HTR6: variants seen among roughly 807,000 people sequenced by gnomAD.
HTR6 encodes the protein 5-hydroxytryptamine (serotonin) receptor 6, G protein-coupled.
A neutral mutation model predicts 17.4 loss-of-function variants in HTR6; 15 were observed. That is an observed-to-expected ratio of 0.86 (90% CI 0.58 to 1.33). The LOEUF (loss-of-function observed/expected upper bound fraction) is 1.33. Ranked by LOEUF, HTR6 falls within the 40% of genes most tolerant of loss-of-function variation. The pLI, the probability that HTR6 is intolerant of heterozygous loss-of-function variation, is 0.00. For synonymous variants in HTR6, 326 were observed against 295.5 expected (o/e 1.10, Z -1.06); for missense variants, 578 against 616.0 (o/e 0.94, Z 0.65).
rs200365256 is a variant in HTR6 at position 19,678,928 on chromosome 1, G to C, written c.883G>C (p.Asp295His). 6.2e-7 allele frequency: 1 copy of C among 1,601,688 alleles called. No homozygotes were observed. Among genetic ancestry groups the C allele is most frequent in the Non-Finnish European group, 8.5e-7 (1 of 1,170,736 alleles). Residue 295 changes from aspartate (D) to histidine (H), a missense_variant, in exon 3 of 3, where the codon GAC becomes CAC. Transcript: ENST00000289753. ...CATCCCCTCCCCCCAGGCCGTGTGC[G>C]ACTGCATCTCCCCAGGCCTCTTCGA... The part of the protein sequence containing the change: ...FVANIVQAVC[D>H]CISPGLFDVL...
At chr1:19,672,508 G>C (rs6684942) in intron 1 of HTR6, among the ~76,000 whole-genome samples, 84,249 of 151,894 alleles carry the variant, frequency 0.55, 24,230 homozygotes, top group Non-Finnish European at 0.64. Flanking sequence ...AGCATGGCAG[G>C]CTTGGCTGCT....
intron 1 of HTR6, 65 bp from the exon 2 acceptor site, chr1:19,678,502 T>C: frequency 6.3e-7 from 1 of 1,580,980 alleles, no homozygotes; most frequent in Non-Finnish European, 8.7e-7. Flanking sequence ...GCTCAGTCTG[T>C]GGCTAGGATC....
In HTR6 at chr1:19,666,445, G is replaced by C. The variant is rs547666149; in HGVS notation, c.692G>C (p.Ser231Thr). The C allele has an allele frequency of 7.4e-6, 12 of 1,610,768 alleles. No homozygotes were observed. The African/African-American group carries it at 1.6e-4, about 21-fold the overall frequency. The change falls in exon 1 of 3, where the codon AGT becomes ACT. Residue 231 changes from serine (S) to threonine (T), a missense_variant. Physicochemically the swap from Ser to Thr is moderately conservative, Grantham distance 58. Coordinates refer to ENST00000289753, the MANE Select transcript of HTR6 (RefSeq NM_000871.3). This position sits in a 1 kb window ranked among gnomAD's most constrained non-coding sequence, Gnocchi z 4.5. ...GCCTCCCTCACCACCGGCATGGCCA[G>C]TCAGGCCTCGGAGACGCTGCAGGTA... ...QVASLTTGMA[S>T]QASETLQVPR... is the part of the protein sequence containing the mutation.
At position 19,678,599 on chromosome 1, in the gene HTR6, T is replaced by G. The variant is rs200027010; in HGVS notation, c.747T>G (p.Ser249=). Residue 249 remains serine, a synonymous_variant, in exon 2 of 3, where the codon TCT becomes TCG. Transcript: ENST00000289753. The stretch of plus-strand genomic sequence containing the variant: ...GGACCCCACGCCCAGGGGTGGAGTC[T>G]GCTGACAGCAGGCGTCTAGCCACGA... The part of the protein sequence containing the change: ...VPRTPRPGVE[S]ADSRRLATKH... 2 of 1,612,956 alleles carry G rather than the reference T, an allele frequency of 1.2e-6. No homozygotes were observed. Among genetic ancestry groups the G allele is most frequent in the East Asian group, 2.2e-5 (1 of 44,866 alleles).
In HTR6 at chr1:19,665,478, TG is replaced by T; in HGVS notation, c.-275del. On this transcript the variant is annotated 5_prime_UTR_variant, in exon 1 of 3. Coordinates refer to ENST00000289753, the MANE Select transcript of HTR6 (RefSeq NM_000871.3). The surrounding 1 kb of genome is among the most constrained non-coding windows in gnomAD (Gnocchi z 4.2). Reference sequence around the variant, plus strand: ...CCTTCAGGGGCCTCGGCTCATCGGGTGCCCCTCCCCAAACTTCCAACCCGTT... The same window carrying T: ...CCTTCAGGGGCCTCGGCTCATCGGGTCCCCTCCCCAAACTTCCAACCCGTT... The T allele has an allele frequency of 1.1e-5, 4 of 379,132 alleles. No homozygotes were observed. Among genetic ancestry groups the T allele is most frequent in the Non-Finnish European group, 1.4e-5 (3 of 215,818 alleles). The allele number at this position is 379,132 out of a possible 1,614,324, so 23.5% of individuals were successfully genotyped here. A position where few individuals can be genotyped will look rare whatever the true frequency, so the allele number is the denominator to read the frequency against.
chr1:19,680,211 G>T lies in HTR6; in HGVS notation c.*843G>T, dbSNP rs2095100139. On this transcript the variant is annotated 3_prime_UTR_variant, in exon 3 of 3. Transcript: ENST00000289753. ...GCACCCAGTACACGGTCAGTTAATT[G>T]GTACGTTCTGTTGTTACGACCCCCG... 6.6e-6 allele frequency among the ~76,000 whole-genome samples: 1 copy of T among 152,176 alleles called. No homozygotes were observed. Among genetic ancestry groups the T allele is most frequent in the Non-Finnish European group, 1.5e-5 (1 of 68,028 alleles).
intron 1 of HTR6, among the ~76,000 whole-genome samples, chr1:19,677,530 C>G (rs570604199): frequency 8.5e-5 from 13 of 152,202 alleles, no homozygotes; most frequent in Admixed American, 3.9e-4. Flanking sequence ...TAACCAGCAT[C>G]CTTAGGAGCC....
chr1:19,677,857 A>G (rs2095096209), intron 1 of HTR6, among the ~76,000 whole-genome samples: 1 of 152,210 alleles, frequency 6.6e-6, no homozygotes, highest in Non-Finnish European at 1.5e-5. Flanking sequence ...CTCCTGCCTC[A>G]GTCTCCTGAG....
In HTR6 at chr1:19,680,027, C is replaced by T. The variant is rs1375680277; in HGVS notation, c.*659C>T. On this transcript the variant is annotated 3_prime_UTR_variant, in exon 3 of 3. Transcript: ENST00000289753. ...TGTGGCAGCAGCTGCACCTGGGAGGCAGGCAGGCATGCATGTGGGCCTCTG... is the reference window on the plus strand; with the variant it reads ...TGTGGCAGCAGCTGCACCTGGGAGGTAGGCAGGCATGCATGTGGGCCTCTG... 1.3e-5 allele frequency among the ~76,000 whole-genome samples: 2 copies of T among 152,204 alleles called. No individual in the cohort carries two copies. Among genetic ancestry groups the T allele is most frequent in the Admixed American group, 1.3e-4 (2 of 15,286 alleles).
intron 1 of HTR6, among the ~76,000 whole-genome samples, chr1:19,672,931 G>A (rs2095089931): frequency 6.6e-6 from 1 of 152,172 alleles, no homozygotes; most frequent in South Asian, 2.1e-4. Context: ...ATTCGAAGAG[G>A]CTGAGGTGAG....
rs879780929 is a variant in HTR6 at position 19,665,618 on chromosome 1, C to G, written c.-136C>G. The G allele has an allele frequency of 1.6e-6, 1 of 617,308 alleles. No homozygotes were observed. The highest frequency in any genetic ancestry group is 2.8e-6 in the Non-Finnish European group (1 of 362,816). The allele number at this position is 617,308 out of a possible 1,614,324, so 38.2% of individuals were successfully genotyped here. A position where few individuals can be genotyped will look rare whatever the true frequency, so the allele number is the denominator to read the frequency against. ...CCCAGCGCCCCCGCCCATGTCCCCCCACTCACCTCCCCCGGGGGGCGTGGT... is the reference window on the plus strand; with the variant it reads ...CCCAGCGCCCCCGCCCATGTCCCCCGACTCACCTCCCCCGGGGGGCGTGGT... On this transcript the variant is annotated 5_prime_UTR_variant, in exon 1 of 3. Coordinates refer to ENST00000289753, the MANE Select transcript of HTR6 (RefSeq NM_000871.3). This position sits in a 1 kb window ranked among gnomAD's most constrained non-coding sequence, Gnocchi z 4.2.
intron 1 of HTR6, among the ~76,000 whole-genome samples, chr1:19,674,902 G>A (rs1470592228): frequency 1.3e-5 from 2 of 152,244 alleles, no homozygotes; most frequent in Non-Finnish European, 2.9e-5. Context: ...CACTGATACA[G>A]AAGGGAGATG....
intron 1 of HTR6, among the ~76,000 whole-genome samples, chr1:19,667,537 T>C (rs1041305200): frequency 1.3e-5 from 2 of 152,138 alleles, no homozygotes; most frequent in African/African-American, 4.8e-5. Flanking sequence ...TGCCTCAGCC[T>C]CCTGAGTAGC....
chr1:19,673,686 G>A (rs2095090935), intron 1 of HTR6, among the ~76,000 whole-genome samples: 3 of 152,168 alleles, frequency 2.0e-5, no homozygotes, highest in East Asian at 1.9e-4. Context: ...CAACAAGAGC[G>A]AGACTTCGTC....
At position 19,678,641 on chromosome 1, in the gene HTR6, C is replaced by G; in HGVS notation, c.789C>G (p.Ala263=). 1 of 1,613,748 alleles carries G rather than the reference C, an allele frequency of 6.2e-7. No individual in the cohort carries two copies. Among genetic ancestry groups the G allele is most frequent in the Non-Finnish European group, 8.5e-7 (1 of 1,180,004 alleles). The change falls in exon 2 of 3, where the codon GCC becomes GCG. Residue 263 remains alanine (A), a synonymous_variant. Transcript: ENST00000289753. ...TAGCCACGAAGCACAGCAGGAAGGC[C>G]CTGAAGGCCAGCCTGACGCTGGGCA... The part of the protein sequence containing the change: ...RRLATKHSRK[A]LKASLTLGIL...
chr1:19,667,384 T>C (rs2095082826), intron 1 of HTR6, among the ~76,000 whole-genome samples: 1 of 152,158 alleles, frequency 6.6e-6, no homozygotes, highest in African/African-American at 2.4e-5. Context: ...GTCACACATA[T>C]TGAGATCAGT....
intron 1 of HTR6, among the ~76,000 whole-genome samples, chr1:19,670,872 G>T (rs1024493010): frequency 2.0e-5 from 3 of 152,166 alleles, no homozygotes; most frequent in African/African-American, 7.2e-5. Flanking sequence ...GCTTCAGGGA[G>T]CCTGGTATTC....
rs1312132778 is a variant in HTR6, at chr1:19,665,507, C to G, written c.-247C>G. On this transcript the variant is annotated 5_prime_UTR_variant, in exon 1 of 3. Coordinates refer to ENST00000289753, the MANE Select transcript of HTR6 (RefSeq NM_000871.3). The surrounding 1 kb of genome is among the most constrained non-coding windows in gnomAD (Gnocchi z 4.2). ...CCTCCCCAAACTTCCAACCCGTTTG[C>G]TCCAGGAGTTCCTGCCCCATCCCCG... The G allele has an allele frequency of 2.3e-6, 1 of 425,752 alleles. No individual in the cohort carries two copies. The highest frequency in any genetic ancestry group is 4.1e-6 in the Non-Finnish European group (1 of 245,332). The allele number at this position is 425,752 out of a possible 1,614,324, so 26.4% of individuals were successfully genotyped here. A position where few individuals can be genotyped will look rare whatever the true frequency, so the allele number is the denominator to read the frequency against.
intron 1 of HTR6, among the ~76,000 whole-genome samples, chr1:19,676,618 G>GCTTGGTGT (rs1359062281): frequency 6.6e-6 from 1 of 152,182 alleles, no homozygotes; most frequent in Admixed American, 6.5e-5. Context: ...AACTCTGGAG[G>GCTTGGTGT]CCTAGAAAGA....
Sources: allele counts gnomAD v4.1 joint callset (sites outside exome capture counted in the v4.1 genomes callset), GRCh38; gene constraint gnomAD v4.1.1; non-coding constraint Gnocchi (gnomAD v3.1); transcripts MANE v1.5; gene names NCBI Gene and HGNC (gene_info 2026-07-23, HGNC 2026-07-21).